Variants in PM20D1 observed in about 807,000 individuals in gnomAD.
The protein encoded by PM20D1 is N-fatty-acyl-amino acid synthase/hydrolase PM20D1.
Under a neutral mutation model 53.8 loss-of-function variants are expected in PM20D1, and 53 were observed. That is an observed-to-expected ratio of 0.98 (90% confidence interval 0.79 to 1.24). The LOEUF is 1.24. Among genes scored for constraint, PM20D1 ranks in the 50% most tolerant of loss-of-function variants. The pLI is 0.00. For synonymous variants in PM20D1, 239 were observed against 241.3 expected (o/e 0.99, Z 0.09); for missense variants, 564 against 616.8 (o/e 0.91, Z 0.91).
At chr1:205,842,567 T>C (rs560840810) in intron 7 of PM20D1, 109 bp downstream of exon 7, 6 of 1,086,428 alleles carry the variant, frequency 5.5e-6, no homozygotes, top group Non-Finnish European at 8.3e-6. Context: ...TAGGTGAGAA[T>C]AGGCAGAGTG....
At chr1:205,838,030 G>A (rs1656722138) in intron 10 of PM20D1, among the ~76,000 whole-genome samples, 1 of 151,992 alleles carries the variant, frequency 6.6e-6, no homozygotes, top group Non-Finnish European at 1.5e-5. Flanking sequence ...GGGTGGCTCT[G>A]GGCAGGATGT....
chr1:205,831,222 G>A (rs918110365), intron 11 of PM20D1, among the ~76,000 whole-genome samples: 1 of 152,212 alleles, frequency 6.6e-6, no homozygotes, highest in Admixed American at 6.5e-5. Context: ...AGTGTGTGCG[G>A]TGATTTGAGA....
chr1:205,845,069 G>GA (rs1272606781), intron 3 of PM20D1, among the ~76,000 whole-genome samples, 172 bp from the exon 4 acceptor site: 1 of 152,172 alleles, frequency 6.6e-6, no homozygotes, highest in African/African-American at 2.4e-5. Context: ...CGGAGAAACA[G>GA]AACGTTTACC....
chr1:205,831,657 G>C (rs1453344965), intron 11 of PM20D1, among the ~76,000 whole-genome samples: 2 of 151,146 alleles, frequency 1.3e-5, no homozygotes, highest in East Asian at 3.9e-4. Flanking sequence ...TCTGCCTCCT[G>C]GGTTCAAGCG....
intron 2 of PM20D1, 78 bp from the exon 3 acceptor site, chr1:205,845,635 T>C (rs2102531226): frequency 8.2e-7 from 1 of 1,224,060 alleles, no homozygotes; most frequent in Non-Finnish European, 1.2e-6. Context: ...GTGCTTCCTG[T>C]TCCTTTATTT....
At position 205,850,129 on chromosome 1, in the gene PM20D1, G is replaced by A; in HGVS notation, c.-57C>T. On this transcript the variant is annotated 5_prime_UTR_variant, in exon 1 of 13. Coordinates refer to ENST00000367136, the MANE Select transcript of PM20D1 (RefSeq NM_152491.5). ...GGGGTAGTTCTGACCTAAACGCCCA[G>A]ACTAGCGTTTCTTGGCCCTAGCTCT... The A allele has an allele frequency of 6.4e-7, 1 of 1,554,156 alleles. No homozygotes were observed. Among genetic ancestry groups the A allele is most frequent in the Admixed American group, 1.9e-5 (1 of 53,460 alleles).
intron 11 of PM20D1, 77 bp from the exon 12 acceptor site, chr1:205,830,456 C>A (rs1656534108): frequency 9.6e-7 from 1 of 1,045,858 alleles, no homozygotes; most frequent in Non-Finnish European, 1.5e-6. Flanking sequence ...TGTGGCCTGG[C>A]TGGAAAATCA....
intron 3 of PM20D1, 37 bp from the exon 4 acceptor site, chr1:205,844,934 G>C (rs375139761): frequency 6.4e-7 from 1 of 1,568,146 alleles, no homozygotes; most frequent in Admixed American, 1.7e-5. Flanking sequence ...GGAAAAAGAC[G>C]TTATTTAGGT....
intron 9 of PM20D1, among the ~76,000 whole-genome samples, chr1:205,840,717 G>C (rs1020809101): frequency 2.0e-5 from 3 of 152,192 alleles, no homozygotes; most frequent in Non-Finnish European, 2.9e-5. Flanking sequence ...GCTTACTCAC[G>C]ATGGGGCAGC....
chr1:205,838,965 A>G (rs1485540212), intron 10 of PM20D1, among the ~76,000 whole-genome samples: 2 of 152,058 alleles, frequency 1.3e-5, no homozygotes, highest in Non-Finnish European at 2.9e-5. Context: ...TGCACTACCT[A>G]AGATGCTGAA....
chr1:205,845,555 A>G lies in PM20D1; in HGVS notation c.259T>C (p.Phe87Leu). 6.2e-7 allele frequency: 1 copy of G among 1,612,784 alleles called. No individual in the cohort carries two copies. Among genetic ancestry groups the G allele is most frequent in the South Asian group, 1.1e-5 (1 of 91,056 alleles). Reference sequence around the variant, plus strand: ...AAGCTGGTGCTGACCACTGTAGGAAAGACTAGAAGCAAAAAGGGCAGGAAG... The same window carrying G: ...AAGCTGGTGCTGACCACTGTAGGAAGGACTAGAAGCAAAAAGGGCAGGAAG... ...AEFGKYIHKV[F>L]PTVVSTSFIQ... The change falls in exon 3 of 13, where the codon TTT (phenylalanine) becomes CTT (leucine). Residue 87 changes from phenylalanine (F) to leucine (L), a missense_variant and splice_region_variant. By Grantham distance (22) the Phe-to-Leu change is conservative. Transcript: ENST00000367136.
chr1:205,833,506 C>G (rs1046712843), intron 10 of PM20D1, among the ~76,000 whole-genome samples: 2 of 152,218 alleles, frequency 1.3e-5, no homozygotes, highest in African/African-American at 2.4e-5. Context: ...GACAAAAAGT[C>G]AGAAGTTATG....
In PM20D1 at chr1:205,845,516, C is replaced by A. The variant is rs145828509; in HGVS notation, c.298G>T (p.Val100Phe). 2.4e-4 allele frequency: 385 copies of A among 1,614,234 alleles called. 2 individuals carry two copies. The Admixed American group carries it at 6.3e-3, about 26-fold the overall frequency. The change falls in exon 3 of 13, where the codon GTC becomes TTC. Residue 100 changes from valine (V) to phenylalanine (F), a missense_variant. Transcript: ENST00000367136. ...AACAGGTGGCTATACTCTTCCACGA[C>A]TTCATGCTGGATAAAGCTGGTGCTG... Reference protein sequence around the residue: ...VVSTSFIQHEVVEEYSHLFTI... With the variant: ...VVSTSFIQHEFVEEYSHLFTI...
intron 6 of PM20D1, 79 bp from the exon 7 acceptor site, chr1:205,842,830 T>C (rs143451135): frequency 2.2e-6 from 3 of 1,337,522 alleles, no homozygotes; most frequent in East Asian, 2.3e-5. Context: ...AGAAGGGAGA[T>C]AGGAGGAAGT....
At chr1:205,849,838 CGGGTTG>C (rs1472949990) in intron 1 of PM20D1, 60 bp downstream of exon 1, 1 of 1,523,260 alleles carries the variant, frequency 6.6e-7, no homozygotes, top group Non-Finnish European at 8.9e-7. Context: ...CGGGGAGTCA[CGGGTTG>C]ACCTGGGGAG....
At position 205,828,526 on chromosome 1, in the gene PM20D1, G is replaced by A; in HGVS notation, c.*94C>T. 6.6e-7 allele frequency: 1 copy of A among 1,511,456 alleles called. No homozygotes were observed. Among genetic ancestry groups the A allele is most frequent in the Non-Finnish European group, 9.0e-7 (1 of 1,114,936 alleles). The allele number at this position is 1,511,456 out of a possible 1,614,324, so 93.6% of individuals were successfully genotyped here. Reference sequence around the variant, plus strand: ...ACAGATGGGCAATGTTTTACAATGTGGTTTTGATCAAAAGTTTCATCAACA... The same window carrying A: ...ACAGATGGGCAATGTTTTACAATGTAGTTTTGATCAAAAGTTTCATCAACA... On this transcript the variant is annotated 3_prime_UTR_variant, in exon 13 of 13. Coordinates refer to ENST00000367136, the MANE Select transcript of PM20D1 (RefSeq NM_152491.5).
At chr1:205,847,631 T>C (rs908378191) in intron 2 of PM20D1, among the ~76,000 whole-genome samples, 11 of 151,884 alleles carry the variant, frequency 7.2e-5, no homozygotes, top group Non-Finnish European at 1.3e-4. Context: ...TTAACATTTA[T>C]TGAATGACAC....
chr1:205,841,632 C>G (rs1656809982), intron 9 of PM20D1, among the ~76,000 whole-genome samples, 179 bp downstream of exon 9: 1 of 152,104 alleles, frequency 6.6e-6, no homozygotes, highest in South Asian at 2.1e-4. Flanking sequence ...GTGGTACTGG[C>G]AGTTACAAGA....
chr1:205,843,805 A>G lies in PM20D1; in HGVS notation c.708-19T>C. ...TGCAATCCTGTAGAAGAGGATCGGA[A>G]ACCACTCTCCTGACTTCTTGCCTCT... On this transcript the variant is annotated intron_variant, in intron 5 of 12. Transcript: ENST00000367136. 6.2e-7 allele frequency: 1 copy of G among 1,611,398 alleles called. No individual in the cohort carries two copies. The highest frequency in any genetic ancestry group is 8.5e-7 in the Non-Finnish European group (1 of 1,178,752).
Sources: gnomAD v4.1 joint callset for allele counts (sites outside exome capture counted in the v4.1 genomes callset) on GRCh38, gnomAD v4.1.1 for gene constraint, MANE v1.5 for transcripts, NCBI Gene and HGNC (gene_info 2026-07-23, HGNC 2026-07-21) for gene names.